CHRNA3: variants seen among roughly 807,000 people sequenced by gnomAD.
The protein encoded by CHRNA3 is cholinergic receptor nicotinic alpha 3 subunit, also known as neuronal acetylcholine receptor subunit alpha-3.
A neutral mutation model predicts 41.9 loss-of-function variants in CHRNA3; 34 were observed. The observed-to-expected ratio is 0.81, with a 90% confidence interval of 0.62 to 1.08. The LOEUF is 1.08. CHRNA3 is among the 50% of genes least tolerant of loss of function. The pLI is 0.00. For synonymous variants in CHRNA3, 281 were observed against 265.2 expected (o/e 1.06, Z -0.58); for missense variants, 542 against 638.3 (o/e 0.85, Z 1.63).
At chr15:78,594,922 A>T (rs112690995), downstream of CHRNA3, 15 of 152,190 alleles carry the variant, frequency 9.9e-5, no homozygotes, top group African/African-American at 3.4e-4. Context: ...TAAAACAGTT[A>T]AATTCCATCT....
At chr15:78,611,846 T>G (rs1434379490) in intron 4 of CHRNA3, among the ~76,000 whole-genome samples, 3 of 152,036 alleles carry the variant, frequency 2.0e-5, no homozygotes, top group African/African-American at 4.8e-5. Flanking sequence ...AAAATCTCCT[T>G]AAGCTGATAA....
intron 5 of CHRNA3, among the ~76,000 whole-genome samples, chr15:78,599,244 T>C (rs2053159627): frequency 6.6e-6 from 1 of 152,180 alleles, no homozygotes; most frequent in South Asian, 2.1e-4. Flanking sequence ...TCCCAAAGTG[T>C]TGGATTACAG....
At chr15:78,611,184 C>T (rs1227076534) in intron 4 of CHRNA3, among the ~76,000 whole-genome samples, 5 of 152,138 alleles carry the variant, frequency 3.3e-5, no homozygotes, top group Non-Finnish European at 7.3e-5. Context: ...CTATTCCAAT[C>T]AATAGAAAAA....
chr15:78,601,883 C>G lies in CHRNA3; in HGVS notation c.759G>C (p.Leu253=). The change falls in exon 5 of 6, where the codon CTG becomes CTC. Residue 253 remains leucine, a synonymous_variant. Transcript: ENST00000326828. ...CGAGCACAGTGAGGAAGGAGATGAGCAGGCAGGGGATGATGAGGTTGATGG... is the reference window on the plus strand; with the variant it reads ...CGAGCACAGTGAGGAAGGAGATGAGGAGGCAGGGGATGATGAGGTTGATGG... ...FYTINLIIPC[L]LISFLTVLVF... 1 of 1,614,080 alleles carries G rather than the reference C, an allele frequency of 6.2e-7. No individual in the cohort carries two copies.
At chr15:78,601,051 T>G (rs142438107) in intron 5 of CHRNA3, among the ~76,000 whole-genome samples, 7 of 151,894 alleles carry the variant, frequency 4.6e-5, no homozygotes, top group Admixed American at 2.6e-4. Context: ...CATACCAAGC[T>G]TTATCATCCC....
chr15:78,608,737 C>CT (rs201414900), intron 4 of CHRNA3, among the ~76,000 whole-genome samples: 5,480 of 152,228 alleles, frequency 0.036, 338 homozygotes, highest in African/African-American at 0.12. Flanking sequence ...CGGAGAATGA[C>CT]TTTGACAAGT....
intron 4 of CHRNA3, among the ~76,000 whole-genome samples, chr15:78,613,778 A>AAC (rs770399543): frequency 0.52 from 65,412 of 125,116 alleles, 15,402 homozygotes; most frequent in Middle Eastern, 0.69. Flanking sequence ...AAAAAAAACC[A>AAC]AAAAAAACCA....
At position 78,620,989 on chromosome 15, in the gene CHRNA3, T is replaced by G. The variant is rs1170246303; in HGVS notation, c.-195A>C. ...CGGACCCGCGGGAGGACAGGAACCATCCGGAGTGAAGCTGCGCCAGGCGCG... is the reference window on the plus strand; with the variant it reads ...CGGACCCGCGGGAGGACAGGAACCAGCCGGAGTGAAGCTGCGCCAGGCGCG... On this transcript the variant is annotated 5_prime_UTR_variant, in exon 1 of 6. It removes an upstream start codon present in the reference 5' UTR. Transcript: ENST00000326828. The G allele has an allele frequency of 4.8e-6, 2 of 414,158 alleles. No individual in the cohort carries two copies. Among genetic ancestry groups the G allele is most frequent in the African/African-American group, 2.2e-5 (1 of 45,860 alleles). 25.7% of individuals were successfully genotyped at this position (414,158 alleles called of 1,614,324 possible). A position where few individuals can be genotyped will look rare whatever the true frequency, so the allele number is the denominator to read the frequency against.
chr15:78,598,107 A>G (rs1026572408), intron 5 of CHRNA3, among the ~76,000 whole-genome samples: 1 of 152,188 alleles, frequency 6.6e-6, no homozygotes, highest in African/African-American at 2.4e-5. Flanking sequence ...AGAGACTTGG[A>G]GACAAACTGA....
chr15:78,596,250 CTGAA>C lies in CHRNA3; in HGVS notation c.*350_*353del. 1.0e-6 allele frequency: 1 copy of C among 991,872 alleles called. No individual in the cohort carries two copies. The highest frequency in any genetic ancestry group is 1.1e-4 in the East Asian group (1 of 9,080). 61.4% of individuals were successfully genotyped at this position (991,872 alleles called of 1,614,324 possible). ...ATTACTGGGAGATCTGTAGTGATAA[CTGAA>C]TGACTTTTCATATTTCTGAACAGCA... On this transcript the variant is annotated 3_prime_UTR_variant, in exon 6 of 6. Coordinates refer to ENST00000326828, the MANE Select transcript of CHRNA3 (RefSeq NM_000743.5).
At position 78,620,865 on chromosome 15, in the gene CHRNA3, C is replaced by T. The variant is rs190245674; in HGVS notation, c.-71G>A. ...CGCGGCGGTCGCAGAGACGGCCTCTCCCCGCGCGGCTCCAGCGCAGACCCC... is the reference window on the plus strand; with the variant it reads ...CGCGGCGGTCGCAGAGACGGCCTCTTCCCGCGCGGCTCCAGCGCAGACCCC... On this transcript the variant is annotated 5_prime_UTR_variant, in exon 1 of 6. Coordinates refer to ENST00000326828, the MANE Select transcript of CHRNA3 (RefSeq NM_000743.5). 8,209 of 1,317,652 alleles carry T rather than the reference C, an allele frequency of 6.2e-3. 434 individuals carry two copies. In the African/African-American group the frequency reaches 0.11, roughly 18 times the overall value. 81.6% of individuals were successfully genotyped at this position (1,317,652 alleles called of 1,614,324 possible). A position where few individuals can be genotyped will look rare whatever the true frequency, so the allele number is the denominator to read the frequency against.
rs924068952 is a variant in CHRNA3 at position 78,601,564 on chromosome 15, T to A, written c.1078A>T (p.Thr360Ser). Residue 360 changes from threonine (T) to serine (S), a missense_variant, in exon 5 of 6, where the codon ACA (threonine) becomes TCA (serine). Thr to Ser is a moderately conservative substitution (Grantham distance 58). Coordinates refer to ENST00000326828, the MANE Select transcript of CHRNA3 (RefSeq NM_000743.5). ...LPRVMFMTRP[T>S]SNEGNAQKPR... The stretch of plus-strand genomic sequence containing the variant: ...TTCTGAGCGTTGCCCTCGTTGCTTG[T>A]TGGCCTGGTCATGAACATGACCCTG... The A allele has an allele frequency of 7.4e-6, 12 of 1,614,166 alleles. No individual in the cohort carries two copies. Among genetic ancestry groups the A allele is most frequent in the Non-Finnish European group, 1.0e-5 (12 of 1,180,036 alleles).
Position 78,601,270 on chromosome 15 carries a change from G to C in CHRNA3, c.1372C>G (p.Gln458Glu). 1.9e-6 allele frequency: 3 copies of C among 1,613,008 alleles called. No individual in the cohort carries two copies. The highest frequency in any genetic ancestry group is 2.2e-5 in the South Asian group (2 of 91,030). The change falls in exon 5 of 6, where the codon CAA becomes GAA. Residue 458 changes from glutamine (Q) to glutamate (E), a missense_variant. By Grantham distance (29) the Gln-to-Glu change is conservative. Coordinates refer to ENST00000326828, the MANE Select transcript of CHRNA3 (RefSeq NM_000743.5). ...VKYIAENMKAQNEAKEIQDDW... is the reference protein window; with the variant it reads ...VKYIAENMKAENEAKEIQDDW... The stretch of plus-strand genomic sequence containing the variant: ...ATCCTTACCTCTTTGGCTTCATTTT[G>C]TGCTTTCATATTTTCAGCAATATAC...
chr15:78,601,444 C>T lies in CHRNA3; in HGVS notation c.1198G>A (p.Gly400Arg), dbSNP rs747881368. Reference sequence around the variant, plus strand: ...CGGTGGTGGCAGTAACCACACATCCCGTCCTGGCAGGGGTAGCCCTCCTTG... The same window carrying T: ...CGGTGGTGGCAGTAACCACACATCCTGTCCTGGCAGGGGTAGCCCTCCTTG... Reference protein sequence around the residue: ...GCKEGYPCQDGMCGYCHHRRI... With the variant: ...GCKEGYPCQDRMCGYCHHRRI... Residue 400 changes from glycine to arginine, a missense_variant, in exon 5 of 6, where the codon GGG becomes AGG. By Grantham distance (125) the Gly-to-Arg change is moderately radical. Coordinates refer to ENST00000326828, the MANE Select transcript of CHRNA3 (RefSeq NM_000743.5). 4 of 1,614,022 alleles carry T rather than the reference C, an allele frequency of 2.5e-6. No individual in the cohort carries two copies. Among genetic ancestry groups the T allele is most frequent in the Admixed American group, 1.7e-5 (1 of 59,996 alleles).
At chr15:78,607,211 C>CT (rs1162157211) in intron 4 of CHRNA3, among the ~76,000 whole-genome samples, 9 of 128,034 alleles carry the variant, frequency 7.0e-5, no homozygotes, top group African/African-American at 2.5e-4. Flanking sequence ...CAGTGAGACT[C>CT]TGTCTCCAAA....
intron 4 of CHRNA3, among the ~76,000 whole-genome samples, chr15:78,603,859 A>G (rs1335668308): frequency 6.6e-6 from 1 of 152,096 alleles, no homozygotes; most frequent in Non-Finnish European, 1.5e-5. Context: ...CCCTACGAGT[A>G]TTCCTGCTCC....
Position 78,596,724 on chromosome 15 carries a change from A to G in CHRNA3, c.1398T>C (p.Asp466=), listed in dbSNP as rs2053118418. Residue 466 remains aspartate (D), a synonymous_variant, in exon 6 of 6, where the codon GAT becomes GAC. Coordinates refer to ENST00000326828, the MANE Select transcript of CHRNA3 (RefSeq NM_000743.5). ...TCACCATGGCAACATACTTCCAATC[A>G]TCTTGAATCTGCAAAACAAAATGAT... is the stretch of plus-strand genomic sequence containing the variant. The part of the protein sequence containing the change: ...KAQNEAKEIQ[D]DWKYVAMVID... 3 of 1,600,274 alleles carry G rather than the reference A, an allele frequency of 1.9e-6. No individual in the cohort carries two copies. The East Asian group carries it at 6.7e-5, about 36-fold the overall frequency.
rs71581743 is a variant in CHRNA3, at chr15:78,596,211, G to A, written c.*393C>T. ...GTATAAACCTTCAAAGAGATTATGG[G>A]CTAAATAAGAAAAATTACTGGGAGA... is the stretch of plus-strand genomic sequence containing the variant. On this transcript the variant is annotated 3_prime_UTR_variant, in exon 6 of 6. Transcript: ENST00000326828. 1.7e-3 allele frequency: 1,632 copies of A among 987,242 alleles called. 3 individuals carry two copies. Among genetic ancestry groups the A allele is most frequent in the South Asian group, 5.8e-3 (125 of 21,372 alleles). The allele number at this position is 987,242 out of a possible 1,614,324, so 61.2% of individuals were successfully genotyped here.
intron 5 of CHRNA3, among the ~76,000 whole-genome samples, chr15:78,598,606 C>G (rs2053149124): frequency 6.6e-6 from 1 of 151,964 alleles, no homozygotes; most frequent in Non-Finnish European, 1.5e-5. Flanking sequence ...AGTGGCATGA[C>G]CTCGCCTCAC....
Sources: allele counts gnomAD v4.1 joint callset (sites outside exome capture counted in the v4.1 genomes callset), GRCh38; gene constraint gnomAD v4.1.1; transcripts MANE v1.5; gene names NCBI Gene and HGNC (gene_info 2026-07-23, HGNC 2026-07-21).